DPYD: variants seen among roughly 807,000 people sequenced by gnomAD.
DPYD encodes the protein dihydropyrimidine dehydrogenase [NADP(+)].
DPYD carries 109 observed loss-of-function variants against 116.2 expected under a neutral mutation model. That is an observed-to-expected ratio of 0.94 (90% CI 0.80 to 1.10). The LOEUF (loss-of-function observed/expected upper bound fraction) is 1.10. Ranked by LOEUF, DPYD falls within the 50% of genes least tolerant of loss-of-function variation. DPYD has a pLI of 0.00. For missense variants in DPYD, 1,302 were observed against 1,254.5 expected, an observed-to-expected ratio of 1.04 and a Z score of -0.57; for synonymous variants, 440 against 432.0, an observed-to-expected ratio of 1.02 and a Z score of -0.23.
chr1:97,699,291 C>T (rs1460220659), intron 6 of DPYD, 60 bp downstream of exon 6: 5 of 1,507,010 alleles, frequency 3.3e-6, no homozygotes, highest in Non-Finnish European at 4.6e-6. Context: ...CAACAATATT[C>T]ATAATTGTTT....
At chr1:97,521,273 TCAAA>T (rs760177414) in intron 12 of DPYD, among the ~76,000 whole-genome samples, 9 of 152,064 alleles carry the variant, frequency 5.9e-5, no homozygotes, top group South Asian at 4.1e-4. Flanking sequence ...ACAAATGTCT[TCAAA>T]CAGAGAGCCA....
In DPYD at chr1:97,578,352, C is replaced by T. The variant is rs547281514; in HGVS notation, c.1129-4382G>A. 7.2e-5 allele frequency among the ~76,000 whole-genome samples: 11 copies of T among 152,080 alleles called. 1 individual carries two copies. The highest frequency in any genetic ancestry group is 1.9e-4 in the African/African-American group (8 of 41,466). ...AAAAAAAAAGTATTTAGCTTCAAAC[C>T]GACTTTGTCTCCGTGCTGTGGTGCA... On this transcript the variant is annotated intron_variant, in intron 10 of 22. Transcript: ENST00000370192.
At chr1:97,505,115 A>G (rs1376074900) in intron 13 of DPYD, among the ~76,000 whole-genome samples, 1 of 152,032 alleles carries the variant, frequency 6.6e-6, no homozygotes, top group Non-Finnish European at 1.5e-5. Flanking sequence ...ACCTGGTGAT[A>G]AAACCAGTTT....
At chr1:97,089,194 G>A (rs1453734946) in intron 21 of DPYD, among the ~76,000 whole-genome samples, 2 of 152,052 alleles carry the variant, frequency 1.3e-5, no homozygotes, top group Admixed American at 1.3e-4. Context: ...ATTTTCCTAC[G>A]CAGAAATTCA....
intron 4 of DPYD, among the ~76,000 whole-genome samples, chr1:97,724,300 GGGGGGGGGTGTGTGTGTGTGT>G (rs1364120167): frequency 5.3e-4 from 8 of 15,048 alleles, no homozygotes; most frequent in African/African-American, 1.8e-3. Context: ...ATGTGGGGGG[GGGGGGGGGTGTGTGTGTGTGT>G]GTGTGTGTGT....
intron 13 of DPYD, among the ~76,000 whole-genome samples, chr1:97,483,744 G>A (rs1313358270): frequency 6.6e-6 from 1 of 152,154 alleles, no homozygotes; most frequent in Non-Finnish European, 1.5e-5. Context: ...TATAAAAAAG[G>A]CTGAAAGAGG....
At chr1:97,343,937 T>C (rs932391535) in intron 16 of DPYD, among the ~76,000 whole-genome samples, 29 of 151,994 alleles carry the variant, frequency 1.9e-4, no homozygotes, top group African/African-American at 7.0e-4. Flanking sequence ...ACTCCAATGG[T>C]AAATGGTAAA....
chr1:97,209,240 A>C (rs1017607434), intron 19 of DPYD, among the ~76,000 whole-genome samples: 2 of 152,172 alleles, frequency 1.3e-5, no homozygotes, highest in African/African-American at 4.8e-5. Flanking sequence ...AAAGGTAAAT[A>C]AGGTAAATAA....
intron 2 of DPYD, among the ~76,000 whole-genome samples, chr1:97,828,940 A>G (rs1419669705): frequency 6.6e-6 from 1 of 151,928 alleles, no homozygotes; most frequent in African/African-American, 2.4e-5. Flanking sequence ...AAAGTACTTT[A>G]AAAAATTTTT....
chr1:97,143,149 G>A (rs1557889744), intron 20 of DPYD, among the ~76,000 whole-genome samples: 1 of 151,704 alleles, frequency 6.6e-6, no homozygotes. Context: ...TTAATAACAT[G>A]AGCATTTCTA....
chr1:97,323,444 G>A lies in DPYD; in HGVS notation c.2059-17147C>T, dbSNP rs547636680. On this transcript the variant is annotated intron_variant, in intron 16 of 22. Transcript: ENST00000370192. ...TATATACATATGTGTATATGTACACGTATATACATATCATATATACATATA... is the reference window on the plus strand; with the variant it reads ...TATATACATATGTGTATATGTACACATATATACATATCATATATACATATA... Among the ~76,000 whole-genome samples the A allele has an allele frequency of 3.4e-4, 33 of 97,840 alleles. 2 individuals carry two copies. The highest frequency in any genetic ancestry group is 9.0e-4 in the African/African-American group (29 of 32,092). The allele number at this position is 97,840 out of a possible 152,430, so 64.2% of individuals were successfully genotyped here.
At chr1:97,251,546 T>C (rs1274405259) in intron 18 of DPYD, among the ~76,000 whole-genome samples, 3 of 152,144 alleles carry the variant, frequency 2.0e-5, no homozygotes, top group Admixed American at 2.0e-4. Context: ...GAGCAATTTT[T>C]ATGGTGGTGT....
At chr1:97,624,054 A>G (rs572725881) in intron 8 of DPYD, among the ~76,000 whole-genome samples, 22 of 152,198 alleles carry the variant, frequency 1.4e-4, no homozygotes, top group African/African-American at 5.3e-4. Context: ...AAGCTACATG[A>G]CATTGGTCTG....
At chr1:97,822,743 G>A (rs1247076809) in intron 3 of DPYD, among the ~76,000 whole-genome samples, 3 of 152,050 alleles carry the variant, frequency 2.0e-5, no homozygotes, top group African/African-American at 7.2e-5. Context: ...TGGCTGTCTC[G>A]CTATTCCATC....
chr1:97,807,224 AAG>A (rs1162418478), intron 3 of DPYD, among the ~76,000 whole-genome samples: 1 of 152,038 alleles, frequency 6.6e-6, no homozygotes, highest in African/African-American at 2.4e-5. Context: ...TTAATTGTGT[AAG>A]AAAGTGCCAA....
chr1:97,203,654 G>A (rs13376487), intron 19 of DPYD, among the ~76,000 whole-genome samples: 1 of 92,778 alleles, frequency 1.1e-5, no homozygotes, highest in Non-Finnish European at 1.9e-5. Flanking sequence ...AATAAAGGAT[G>A]AGTTCAGACC....
At chr1:97,182,251 T>C (rs1448688436) in intron 20 of DPYD, among the ~76,000 whole-genome samples, 1 of 152,152 alleles carries the variant, frequency 6.6e-6, no homozygotes, top group African/African-American at 2.4e-5. Flanking sequence ...GTCTGTCTTA[T>C]TTTTACAGGA....
At chr1:97,175,357 C>T (rs1414474347) in intron 20 of DPYD, among the ~76,000 whole-genome samples, 1 of 152,142 alleles carries the variant, frequency 6.6e-6, no homozygotes, top group Non-Finnish European at 1.5e-5. Flanking sequence ...TAAGAGAATA[C>T]TATTCCCAAT....
chr1:97,281,979 A>G (rs111395318), intron 18 of DPYD, among the ~76,000 whole-genome samples: 2 of 152,158 alleles, frequency 1.3e-5, no homozygotes, highest in African/African-American at 4.8e-5. Context: ...GTTTTTGCAC[A>G]TAAGTTATTG....
Sources: gnomAD v4.1 joint callset for allele counts (sites outside exome capture counted in the v4.1 genomes callset) on GRCh38, gnomAD v4.1.1 for gene constraint, MANE v1.5 for transcripts, NCBI Gene and HGNC (gene_info 2026-07-23, HGNC 2026-07-21) for gene names.